KCNN2: variants seen among roughly 807,000 people sequenced by gnomAD.
KCNN2 encodes the protein small conductance calcium-activated potassium channel protein 2.
In KCNN2, 24 loss-of-function variants were observed where a neutral mutation model predicts 55.5. That is an observed-to-expected ratio of 0.43 (90% CI 0.31 to 0.61). The LOEUF is 0.61. Among genes scored for constraint, KCNN2 ranks in the 20% least tolerant of loss-of-function variants. The pLI is 0.08. For missense variants in KCNN2, 754 were observed against 853.6 expected (o/e 0.88, Z 1.45); for synonymous variants, 431 against 336.1 (o/e 1.28, Z -3.09).
rs779288351 is a variant in KCNN2 at position 114,362,900 on chromosome 5, G to A, written c.761G>A (p.Gly254Glu). The A allele has an allele frequency of 3.7e-5, 59 of 1,594,554 alleles. No homozygotes were observed. The highest frequency in any genetic ancestry group is 4.8e-5 in the Non-Finnish European group (57 of 1,177,762). The part of the protein sequence containing the change: ...QPLQPPASVG[G>E]GGGASSPSAA... ...CTGCAGCCCCCCGCGTCTGTCGGAG[G>A]AGGTGGCGGCGCGTCCTCCCCGTCT... is the stretch of plus-strand genomic sequence containing the variant. Residue 254 changes from glycine (G) to glutamate (E), a missense_variant, in exon 1 of 8, where the codon GGA becomes GAA. Coordinates refer to ENST00000673685, the MANE Select transcript of KCNN2 (RefSeq NM_021614.4).
intron 3 of KCNN2, among the ~76,000 whole-genome samples, chr5:114,408,174 G>C (rs538915684): frequency 6.6e-6 from 1 of 151,180 alleles, no homozygotes; most frequent in Non-Finnish European, 1.5e-5. Context: ...AGGTAAGTCA[G>C]TGGCCACCTG....
chr5:114,384,677 T>A (rs1386556823), intron 2 of KCNN2, among the ~76,000 whole-genome samples: 1 of 152,176 alleles, frequency 6.6e-6, no homozygotes, highest in African/African-American at 2.4e-5. Flanking sequence ...ATTCTTCTAA[T>A]TGCATACGAC....
At chr5:114,226,250 A>G (rs1354588578) in intron 2 of KCNN2, among the ~76,000 whole-genome samples, 1 of 152,186 alleles carries the variant, frequency 6.6e-6, no homozygotes, top group African/African-American at 2.4e-5. Context: ...TTTTTTCAAT[A>G]TTGAATCACA....
intron 2 of KCNN2, among the ~76,000 whole-genome samples, chr5:114,275,073 C>T (rs1755455665): frequency 6.6e-6 from 1 of 152,178 alleles, no homozygotes. Context: ...AAGGCCTTAT[C>T]TCCATCTATT....
At chr5:114,122,599 A>T (rs1751848184) in intron 1 of KCNN2, among the ~76,000 whole-genome samples, 1 of 152,208 alleles carries the variant, frequency 6.6e-6, no homozygotes, top group African/African-American at 2.4e-5. Flanking sequence ...TTTGTTGGGT[A>T]GGATACTTAG....
intron 2 of KCNN2, among the ~76,000 whole-genome samples, chr5:114,290,770 T>C (rs187247988): frequency 1.1e-4 from 17 of 152,274 alleles, no homozygotes; most frequent in Admixed American, 9.2e-4. Flanking sequence ...TTCCCTAAGT[T>C]TCTTTAATGC....
intron 1 of KCNN2, among the ~76,000 whole-genome samples, chr5:114,209,424 T>C (rs1215566529): frequency 1.3e-5 from 2 of 152,032 alleles, no homozygotes; most frequent in African/African-American, 4.8e-5. Flanking sequence ...GGAGCTTCTT[T>C]GAAAATATTG....
At chr5:114,106,403 A>G (rs1005101911) in intron 1 of KCNN2, among the ~76,000 whole-genome samples, 1 of 151,764 alleles carries the variant, frequency 6.6e-6, no homozygotes, top group African/African-American at 2.4e-5. Flanking sequence ...ATGCATATAC[A>G]GATCTAGTAT....
chr5:114,270,834 C>T lies in KCNN2; in HGVS notation c.-185+49269C>T, dbSNP rs190240779. On this transcript the variant is annotated intron_variant, in intron 2 of 10. Transcript: ENST00000512097. ...TTACAGTTCTTAAGGATGGTGTGTC[C>T]GCAGTTTGTTCTTTCAGATGTTCAG... is the stretch of plus-strand genomic sequence containing the variant. Among the ~76,000 whole-genome samples the T allele has an allele frequency of 1.1e-4, 17 of 152,174 alleles. No individual in the cohort carries two copies. In the East Asian group the frequency reaches 1.7e-3, roughly 16 times the overall value.
intron 1 of KCNN2, among the ~76,000 whole-genome samples, chr5:114,142,417 G>A (rs13154441): frequency 0.44 from 66,578 of 151,906 alleles, 16,007 homozygotes; most frequent in Middle Eastern, 0.55. Flanking sequence ...GTTTTTGTCA[G>A]GAAGTCAAAT....
chr5:114,302,876 T>A (rs548603417), intron 2 of KCNN2, among the ~76,000 whole-genome samples: 1 of 152,180 alleles, frequency 6.6e-6, no homozygotes, highest in East Asian at 1.9e-4. Context: ...ATACTGGTTG[T>A]ACTTAGGAGA....
intron 3 of KCNN2, among the ~76,000 whole-genome samples, chr5:114,437,942 A>G (rs987071615): frequency 2.0e-5 from 3 of 152,192 alleles, no homozygotes; most frequent in Non-Finnish European, 2.9e-5. Flanking sequence ...CCTATCCCAG[A>G]AAATTATCAT....
chr5:114,155,894 G>T (rs936677864), intron 1 of KCNN2, among the ~76,000 whole-genome samples: 1 of 152,080 alleles, frequency 6.6e-6, no homozygotes, highest in Admixed American at 6.6e-5. Context: ...ATTAGATCCT[G>T]TTTGTCAATT....
intron 2 of KCNN2, among the ~76,000 whole-genome samples, chr5:114,254,429 G>A (rs537108056): frequency 6.6e-6 from 1 of 152,094 alleles, no homozygotes; most frequent in Non-Finnish European, 1.5e-5. Flanking sequence ...ATGACAAATA[G>A]TTTTCATTTC....
chr5:114,452,545 G>A (rs1005482322), intron 3 of KCNN2, among the ~76,000 whole-genome samples: 2 of 152,144 alleles, frequency 1.3e-5, no homozygotes, highest in African/African-American at 4.8e-5. Context: ...TGTTCACCAT[G>A]TTATTGAATG....
At chr5:114,112,641 T>A (rs1751623371) in intron 1 of KCNN2, among the ~76,000 whole-genome samples, 1 of 151,172 alleles carries the variant, frequency 6.6e-6, no homozygotes, top group Admixed American at 6.6e-5. Flanking sequence ...AAGCAGTTAA[T>A]CTCAAAGGTC....
At chr5:114,442,656 G>A (rs939521983) in intron 3 of KCNN2, among the ~76,000 whole-genome samples, 1 of 152,156 alleles carries the variant, frequency 6.6e-6, no homozygotes, top group Non-Finnish European at 1.5e-5. Flanking sequence ...GCAAACGACG[G>A]AAGACTCAGA....
At chr5:114,185,043 T>C (rs1208632848) in intron 1 of KCNN2, among the ~76,000 whole-genome samples, 1 of 152,238 alleles carries the variant, frequency 6.6e-6, no homozygotes, top group Non-Finnish European at 1.5e-5. Context: ...TAAGCCTTTA[T>C]TTCAGGTTTT....
At position 114,285,687 on chromosome 5, in the gene KCNN2, C is replaced by G. The variant is rs1457433692; in HGVS notation, c.-185+64122C>G. Among the ~76,000 whole-genome samples, 3 of 152,014 alleles carry G rather than the reference C, an allele frequency of 2.0e-5. No homozygotes were observed. In the East Asian group the frequency reaches 5.8e-4, roughly 29 times the overall value. ...GAATATACATTGAGTGTGGGCAGATCAGTAGGAAGCTGTTTCAGTCCTCCA... is the reference window on the plus strand; with the variant it reads ...GAATATACATTGAGTGTGGGCAGATGAGTAGGAAGCTGTTTCAGTCCTCCA... On this transcript the variant is annotated intron_variant, in intron 2 of 10. Transcript: ENST00000512097.
Sources: allele counts gnomAD v4.1 joint callset (sites outside exome capture counted in the v4.1 genomes callset), GRCh38; gene constraint gnomAD v4.1.1; transcripts MANE v1.5; gene names NCBI Gene and HGNC (gene_info 2026-07-23, HGNC 2026-07-21).